Variants in ERP44 observed in about 807,000 individuals in gnomAD.
The protein encoded by ERP44 is endoplasmic reticulum resident protein 44.
ERP44 carries 25 observed loss-of-function variants against 53.4 expected under a neutral mutation model. The ratio of observed to expected loss-of-function variants is 0.47; its 90% CI spans 0.34 to 0.65. The LOEUF is 0.65. Among genes scored for constraint, ERP44 ranks in the 30% least tolerant of loss-of-function variants. The pLI, the probability that ERP44 is intolerant of heterozygous loss-of-function variation, is 0.01. For missense variants in ERP44, 338 were observed against 493.2 expected, an observed-to-expected ratio of 0.69 and a Z score of 2.98; for synonymous variants, 145 against 161.2, an observed-to-expected ratio of 0.90 and a Z score of 0.76.
intron 11 of ERP44, 91 bp downstream of exon 11, chr9:99,984,876 T>G: frequency 1.5e-6 from 1 of 689,438 alleles, no homozygotes. Context: ...AAGCTGAAGC[T>G]CAAGCTGATG....
At chr9:100,078,966 TTATG>T (rs1186039672) in intron 1 of ERP44, among the ~76,000 whole-genome samples, 3 of 152,140 alleles carry the variant, frequency 2.0e-5, no homozygotes, top group South Asian at 4.2e-4. Flanking sequence ...TATTTAAAGA[TTATG>T]TATGATCTCA....
At chr9:99,998,008 C>T (rs1034405327) in intron 10 of ERP44, among the ~76,000 whole-genome samples, 8 of 152,144 alleles carry the variant, frequency 5.3e-5, no homozygotes, top group Admixed American at 5.2e-4. Context: ...ACTTTCTTCC[C>T]TATTTTACAC....
In ERP44 at chr9:100,024,154, A is replaced by G. The variant is rs890472645; in HGVS notation, c.287-1928T>C. ...GGGTGACAGAGTGAAACCCTGACTC[A>G]ACAACAACAACAACAACAACAACAA... On this transcript the variant is annotated intron_variant, in intron 4 of 11. Transcript: ENST00000262455. Among the ~76,000 whole-genome samples the G allele has an allele frequency of 6.7e-5, 5 of 74,164 alleles. No individual in the cohort carries two copies. The African/African-American group carries it at 7.9e-4, about 12-fold the overall frequency. 48.7% of individuals were successfully genotyped at this position (74,164 alleles called of 152,430 possible). A position where few individuals can be genotyped will look rare whatever the true frequency, so the allele number is the denominator to read the frequency against.
rs537542393 is a variant in ERP44, at chr9:100,068,427, G to A, written c.58-8255C>T. On this transcript the variant is annotated intron_variant, in intron 1 of 11. Transcript: ENST00000262455. ...GGCCAGCCGCCGGGCCAGCCGCCCC[G>A]TCCGGGAGGTGAGAGGTGCCTCTGC... 2.3e-3 allele frequency among the ~76,000 whole-genome samples: 280 copies of A among 119,666 alleles called. 8 individuals carry two copies. Among genetic ancestry groups the A allele is most frequent in the Admixed American group, 4.3e-3 (48 of 11,222 alleles). The allele number at this position is 119,666 out of a possible 152,430, so 78.5% of individuals were successfully genotyped here.
At chr9:100,093,823 A>G (rs1826591674) in intron 1 of ERP44, among the ~76,000 whole-genome samples, 1 of 152,226 alleles carries the variant, frequency 6.6e-6, no homozygotes. Context: ...AAATTAAAAT[A>G]CATTGAGATA....
chr9:99,995,920 C>CTTTTTTTTTTTTTTTTTTTTTTTTTTT (rs34632626), intron 10 of ERP44, among the ~76,000 whole-genome samples: 3 of 121,438 alleles, frequency 2.5e-5, no homozygotes, highest in African/African-American at 3.1e-5. Context: ...TAGGGTAGTT[C>CTTTTTTTTTTTTTTTTTTTTTTTTTTT]TTTTTTTTTT....
intron 10 of ERP44, among the ~76,000 whole-genome samples, chr9:99,988,766 A>G (rs893786067): frequency 6.6e-5 from 10 of 152,174 alleles, no homozygotes; most frequent in Admixed American, 4.6e-4. Context: ...TGGGGGATTT[A>G]CCTTTCCTAG....
At chr9:99,999,352 G>C (rs1412207005) in intron 10 of ERP44, among the ~76,000 whole-genome samples, 1 of 152,130 alleles carries the variant, frequency 6.6e-6, no homozygotes, top group Non-Finnish European at 1.5e-5. Flanking sequence ...CTGGATGTTA[G>C]TCCTTTGTCA....
intron 1 of ERP44, among the ~76,000 whole-genome samples, chr9:100,081,418 C>T (rs1826422758): frequency 6.6e-6 from 1 of 151,774 alleles, no homozygotes; most frequent in Non-Finnish European, 1.5e-5. Context: ...AATAGCACAG[C>T]AGCAACATCT....
intron 1 of ERP44, among the ~76,000 whole-genome samples, chr9:100,063,076 A>AAAAAAAAAAAAAAAAAAAAAAAAAAAAC (rs1491308803): frequency 9.1e-6 from 1 of 109,290 alleles, no homozygotes; most frequent in African/African-American, 4.0e-5. Flanking sequence ...CCTGTCTCAC[A>AAAAAAAAAAAAAAAAAAAAAAAAAAAAC]AAAAAAAAAA....
intron 4 of ERP44, among the ~76,000 whole-genome samples, chr9:100,048,238 G>A (rs893875470): frequency 6.6e-6 from 1 of 152,008 alleles, no homozygotes; most frequent in African/African-American, 2.4e-5. Context: ...GAGTTAATGG[G>A]TGCAGCACAC....
chr9:100,097,156 T>C (rs1445740466), intron 1 of ERP44, among the ~76,000 whole-genome samples: 1 of 152,196 alleles, frequency 6.6e-6, no homozygotes, highest in Admixed American at 6.5e-5. Context: ...TAGTTAAATC[T>C]AGATTCTATT....
At chr9:100,017,488 A>C (rs1007030874) in intron 7 of ERP44, among the ~76,000 whole-genome samples, 5 of 152,254 alleles carry the variant, frequency 3.3e-5, no homozygotes, top group African/African-American at 1.2e-4. Flanking sequence ...AAGCTACTCA[A>C]AGAAATGTAC....
chr9:100,094,469 C>T (rs1826599765), intron 1 of ERP44, among the ~76,000 whole-genome samples: 1 of 151,898 alleles, frequency 6.6e-6, no homozygotes, highest in Non-Finnish European at 1.5e-5. Flanking sequence ...ACCAGCCTGG[C>T]CAACATGGTG....
intron 10 of ERP44, among the ~76,000 whole-genome samples, chr9:99,991,868 A>C (rs1830260343): frequency 6.6e-6 from 1 of 152,246 alleles, no homozygotes. Flanking sequence ...ACAAACTAGC[A>C]TCAGAGAATA....
At position 99,996,934 on chromosome 9, in the gene ERP44, CACATACATAT is replaced by C. The variant is rs2118616663; in HGVS notation, c.1016+9562_1016+9571del. ...ATATATATATATATGTATATATATACACATACATATACACACACACATGTATATGTACACA... is the reference window on the plus strand; with the variant it reads ...ATATATATATATATGTATATATATACACACACACACATGTATATGTACACA... On this transcript the variant is annotated intron_variant, in intron 10 of 11. Transcript: ENST00000262455. 2.6e-4 allele frequency among the ~76,000 whole-genome samples: 5 copies of C among 19,600 alleles called. No individual in the cohort carries two copies. The South Asian group carries it at 0.012, about 48-fold the overall frequency. 12.9% of individuals were successfully genotyped at this position (19,600 alleles called of 152,430 possible).
At chr9:100,057,386 G>A (rs1414988464) in intron 3 of ERP44, among the ~76,000 whole-genome samples, 2 of 152,184 alleles carry the variant, frequency 1.3e-5, no homozygotes, top group Non-Finnish European at 2.9e-5. Flanking sequence ...GAAAAAGAAA[G>A]TGGTACATAG....
intron 10 of ERP44, among the ~76,000 whole-genome samples, chr9:99,986,963 C>G (rs1830201849): frequency 6.6e-6 from 1 of 152,208 alleles, no homozygotes; most frequent in Non-Finnish European, 1.5e-5. Context: ...TAAGATAAAG[C>G]CTCTGCTAGT....
chr9:100,044,223 C>G (rs754226321), intron 4 of ERP44, among the ~76,000 whole-genome samples: 1 of 152,090 alleles, frequency 6.6e-6, no homozygotes, highest in African/African-American at 2.4e-5. Context: ...ATTTATCTAT[C>G]CATCTGTTCA....
Sources: gnomAD v4.1 joint callset for allele counts (sites outside exome capture counted in the v4.1 genomes callset) on GRCh38, gnomAD v4.1.1 for gene constraint, MANE v1.5 for transcripts, NCBI Gene and HGNC (gene_info 2026-07-23, HGNC 2026-07-21) for gene names.